The following GRIN2A variants were observed in gnomAD, a reference collection of about 807,000 sequenced individuals.
GRIN2A encodes the protein glutamate receptor ionotropic, NMDA 2A.
Under a neutral mutation model 113.4 loss-of-function variants are expected in GRIN2A, and 22 were observed. The ratio of observed to expected loss-of-function variants is 0.19; its 90% confidence interval spans 0.14 to 0.28. The LOEUF (loss-of-function observed/expected upper bound fraction) is 0.28, where lower values mean the gene tolerates loss of function less well. GRIN2A is among the 10% of genes least tolerant of loss of function. The probability of loss-of-function intolerance (pLI) is 1.00; values close to 1 mark genes in which losing one functional copy is unlikely to be tolerated. For missense variants in GRIN2A, 1,502 were observed against 1,887.0 expected, an observed-to-expected ratio of 0.80 and a Z score of 3.78; for synonymous variants, 827 against 738.4, an observed-to-expected ratio of 1.12 and a Z score of -1.94.
At chr16:10,138,377 G>A (rs150559978) in intron 2 of GRIN2A, among the ~76,000 whole-genome samples, 174 of 152,288 alleles carry the variant, frequency 1.1e-3, no homozygotes, top group African/African-American at 4.0e-3. Flanking sequence ...TGGGGAAGGA[G>A]ACCTCAGGAA....
Position 10,117,868 on chromosome 16 carries a change from T to A in GRIN2A, c.414+62130A>T, listed in dbSNP as rs1285898691. Among the ~76,000 whole-genome samples the A allele has an allele frequency of 5.9e-5, 9 of 152,188 alleles. 1 individual carries two copies. The East Asian group carries it at 1.7e-3, about 29-fold the overall frequency. ...ATATCTTTCCTCATCAAGCATCCAT[T>A]CTAGTTTTTTACTGAAGAATTGTCC... On this transcript the variant is annotated intron_variant, in intron 2 of 12. Coordinates refer to ENST00000330684, the MANE Select transcript of GRIN2A (RefSeq NM_001134407.3).
At chr16:10,158,384 G>A (rs2049746476) in intron 2 of GRIN2A, among the ~76,000 whole-genome samples, 1 of 152,166 alleles carries the variant, frequency 6.6e-6, no homozygotes, top group Non-Finnish European at 1.5e-5. Context: ...GTCAAGCATA[G>A]TATTACCATG....
chr16:10,055,843 T>C (rs753947284), intron 2 of GRIN2A, among the ~76,000 whole-genome samples: 6 of 152,264 alleles, frequency 3.9e-5, no homozygotes, highest in Non-Finnish European at 7.3e-5. Flanking sequence ...AGGTTTAAAA[T>C]GTTAAATAAA....
intron 2 of GRIN2A, among the ~76,000 whole-genome samples, chr16:9,984,149 C>G (rs138617611): frequency 3.7e-4 from 57 of 152,142 alleles, no homozygotes; most frequent in Non-Finnish European, 6.8e-4. Context: ...TTAGTGATGT[C>G]AAGTATTTTT....
intron 4 of GRIN2A, among the ~76,000 whole-genome samples, chr16:9,873,926 T>C (rs1234171909): frequency 6.6e-6 from 1 of 152,258 alleles, no homozygotes; most frequent in African/African-American, 2.4e-5. Context: ...ATTAGGATTC[T>C]TCCGATTCAA....
rs1391662912 is a variant in GRIN2A, at chr16:9,798,455, G to C, written c.2178C>G (p.Asp726Glu). The C allele has an allele frequency of 6.2e-7, 1 of 1,613,724 alleles. No individual in the cohort carries two copies. The highest frequency in any genetic ancestry group is 8.5e-7 in the Non-Finnish European group (1 of 1,179,810). Residue 726 changes from aspartate (D) to glutamate (E), a missense_variant, in exon 11 of 13, where the codon GAC (aspartate) becomes GAG (glutamate). This residue lies in a region of GRIN2A where 101 missense variants were observed against 240.4 expected (regional missense o/e 0.42). Coordinates refer to ENST00000330684, the MANE Select transcript of GRIN2A (RefSeq NM_001134407.3). ...ALVSLKTGKL[D>E]AFIYDAAVLN... is the part of the protein sequence containing the mutation. ...AGACTGCGGCATCGTAGATGAAAGC[G>C]TCCAGCTTCCTGAAATGACAAGAAA...
At chr16:10,121,175 C>G (rs1476111104) in intron 2 of GRIN2A, among the ~76,000 whole-genome samples, 4 of 145,874 alleles carry the variant, frequency 2.7e-5, no homozygotes, top group African/African-American at 9.8e-5. Context: ...ATCACACACA[C>G]TCCTACCCCT....
Position 9,839,945 on chromosome 16 carries a change from C to T in GRIN2A, c.1651+702G>A, listed in dbSNP as rs562029214. Among the ~76,000 whole-genome samples, 11 of 152,070 alleles carry T rather than the reference C, an allele frequency of 7.2e-5. No homozygotes were observed. In the South Asian group the frequency reaches 1.0e-3, roughly 14 times the overall value. On this transcript the variant is annotated intron_variant, in intron 7 of 12. Coordinates refer to ENST00000330684, the MANE Select transcript of GRIN2A (RefSeq NM_001134407.3). Reference sequence around the variant, plus strand: ...TTTGATATCAGTCTGGCCAACATGGCGAAACCCCATCTCTACACAAAAATT... The same window carrying T: ...TTTGATATCAGTCTGGCCAACATGGTGAAACCCCATCTCTACACAAAAATT...
intron 2 of GRIN2A, among the ~76,000 whole-genome samples, chr16:9,968,275 T>C (rs560600192): frequency 1.4e-5 from 1 of 69,372 alleles, no homozygotes; most frequent in Admixed American, 1.1e-4. Context: ...TATGTATGTA[T>C]GTATGTATGT....
At chr16:10,096,378 A>T (rs1444404976) in intron 2 of GRIN2A, among the ~76,000 whole-genome samples, 2 of 152,110 alleles carry the variant, frequency 1.3e-5, no homozygotes, top group African/African-American at 4.8e-5. Context: ...CCTCACCCAG[A>T]CCTACTGAAT....
chr16:10,096,779 A>G (rs1486175771), intron 2 of GRIN2A, among the ~76,000 whole-genome samples: 1 of 151,704 alleles, frequency 6.6e-6, no homozygotes, highest in Admixed American at 6.6e-5. Flanking sequence ...TACTTCCCCT[A>G]CTGGTCAGTC....
rs146055721 is a variant in GRIN2A, at chr16:9,763,166, T to C, written c.4378A>G (p.Ile1460Val). 5 of 1,613,784 alleles carry C rather than the reference T, an allele frequency of 3.1e-6. No homozygotes were observed. In the African/African-American group the frequency reaches 4.0e-5, roughly 13 times the overall value. ...GAAGATTTTTAAACATCAGATTCGA[T>C]ACTAGGCATTTTCTTGTACACGCGT... The part of the protein sequence containing the change: ...NRRVYKKMPS[I>V]ESDV The change falls in exon 13 of 13, where the codon ATC becomes GTC. Residue 1460 changes from isoleucine to valine, a missense_variant. Transcript: ENST00000330684.
chr16:10,144,435 G>A (rs940281343), intron 2 of GRIN2A, among the ~76,000 whole-genome samples: 1 of 152,048 alleles, frequency 6.6e-6, no homozygotes, highest in African/African-American at 2.4e-5. Context: ...CCTTTTTAAT[G>A]CCTGTTGGCC....
intron 8 of GRIN2A, among the ~76,000 whole-genome samples, chr16:9,829,937 T>C (rs1286801983): frequency 6.6e-6 from 1 of 152,218 alleles, no homozygotes; most frequent in African/African-American, 2.4e-5. Flanking sequence ...AGTAGTGTTA[T>C]GACCTGTTTT....
At chr16:9,934,628 C>T (rs1034208542) in intron 3 of GRIN2A, among the ~76,000 whole-genome samples, 8 of 121,194 alleles carry the variant, frequency 6.6e-5, no homozygotes, top group African/African-American at 2.3e-4. Flanking sequence ...TGTAGTGAGC[C>T]GAGATTGTGC....
intron 2 of GRIN2A, among the ~76,000 whole-genome samples, chr16:9,976,854 G>A (rs916202492): frequency 2.0e-4 from 30 of 152,200 alleles, no homozygotes; most frequent in Middle Eastern, 3.4e-3. Flanking sequence ...ACCACATCGC[G>A]TGACAAATGA....
Position 9,871,037 on chromosome 16 carries a change from C to T in GRIN2A, c.1122+19949G>A, listed in dbSNP as rs377326272. Among the ~76,000 whole-genome samples the T allele has an allele frequency of 2.6e-5, 4 of 152,336 alleles. No individual in the cohort carries two copies. The East Asian group carries it at 7.7e-4, about 29-fold the overall frequency. On this transcript the variant is annotated intron_variant, in intron 4 of 12. Transcript: ENST00000330684. ...CCTCTATTTTCTCCCAATCAATCTG[C>T]TCATTCGTGACTTTCCATTTTTTCC... is the stretch of plus-strand genomic sequence containing the variant.
At chr16:9,953,660 C>T (rs1482682339) in intron 2 of GRIN2A, among the ~76,000 whole-genome samples, 2 of 152,008 alleles carry the variant, frequency 1.3e-5, no homozygotes, top group African/African-American at 2.4e-5. Context: ...GGAAAAGAGG[C>T]AGAGAAGGAA....
chr16:9,885,725 G>A (rs1243069362), intron 4 of GRIN2A, among the ~76,000 whole-genome samples: 1 of 91,320 alleles, frequency 1.1e-5, no homozygotes, highest in African/African-American at 4.3e-5. Flanking sequence ...TGTAGTGCTG[G>A]GGGGGCAGCT....
Sources: gnomAD v4.1 joint callset for allele counts (sites outside exome capture counted in the v4.1 genomes callset) on GRCh38, gnomAD v4.1.1 for gene constraint, gnomAD v4.1.1 regional missense constraint, MANE v1.5 for transcripts, NCBI Gene and HGNC (gene_info 2026-07-23, HGNC 2026-07-21) for gene names.